Variants in CAST observed in about 807,000 individuals in gnomAD.
The protein encoded by CAST is calpastatin, also known as MIR583 host.
CAST carries 76 observed loss-of-function variants against 119.6 expected under a neutral mutation model. The observed-to-expected ratio is 0.64, with a 90% CI of 0.53 to 0.77. The LOEUF is 0.77. CAST is among the 30% of genes least tolerant of loss of function. The pLI is 0.00. For missense variants in CAST, 953 were observed against 946.5 expected (o/e 1.01, Z -0.09); for synonymous variants, 319 against 331.6 (o/e 0.96, Z 0.41).
the CAST span, among the ~76,000 whole-genome samples, chr5:96,248,825 A>G: frequency 6.6e-6 from 1 of 152,236 alleles, no homozygotes; most frequent in African/African-American, 2.4e-5. Flanking sequence ...TGTTTATGAA[A>G]TATTGAGTCA....
intron 1 of CAST, among the ~76,000 whole-genome samples, chr5:96,547,008 A>C (rs1469469968): frequency 6.6e-6 from 1 of 152,216 alleles, no homozygotes; most frequent in Non-Finnish European, 1.5e-5. Context: ...GGTAAAAGCA[A>C]ACTGCTTTGG....
intron 1 of CAST, among the ~76,000 whole-genome samples, chr5:96,556,878 G>C (rs928868001): frequency 3.3e-5 from 5 of 152,204 alleles, no homozygotes; most frequent in East Asian, 1.9e-4. Context: ...GATACTCCTC[G>C]AGAAGAGCAA....
chr5:96,053,843 C>G, the CAST span, among the ~76,000 whole-genome samples: 1 of 152,232 alleles, frequency 6.6e-6, no homozygotes, highest in Non-Finnish European at 1.5e-5. Flanking sequence ...TTTTTGACCA[C>G]ATACATATGA....
intron 24 of CAST, chr5:96,761,971 C>T (rs1477586365): frequency 4.9e-6 from 1 of 202,370 alleles, no homozygotes; most frequent in African/African-American, 2.3e-5. Context: ...GAGCTGAAAA[C>T]TTTGAATAAC....
At chr5:96,178,392 C>T in the CAST span, among the ~76,000 whole-genome samples, 2 of 152,034 alleles carry the variant, frequency 1.3e-5, no homozygotes, top group Non-Finnish European at 2.9e-5. Flanking sequence ...ATTCTTAGGT[C>T]TACACATGTT....
chr5:96,427,643 C>T, the CAST span, among the ~76,000 whole-genome samples: 2 of 152,110 alleles, frequency 1.3e-5, no homozygotes, highest in East Asian at 3.9e-4. Context: ...GTAGAATGGG[C>T]CATCTTCATT....
chr5:96,205,981 A>AT, the CAST span, among the ~76,000 whole-genome samples: 1 of 150,720 alleles, frequency 6.6e-6, no homozygotes, highest in South Asian at 2.1e-4. Flanking sequence ...ATCATCTGCT[A>AT]TTTTTTTTTA....
chr5:96,190,984 G>C, the CAST span, among the ~76,000 whole-genome samples: 1 of 152,134 alleles, frequency 6.6e-6, no homozygotes. Context: ...TGGGGTATTT[G>C]GTTTTCTGTT....
the CAST span, chr5:96,110,970 G>A: frequency 6.6e-6 from 1 of 152,174 alleles, no homozygotes; most frequent in South Asian, 2.1e-4. Flanking sequence ...GAGACCAACT[G>A]GGGATCAACA....
At chr5:96,223,971 T>C in the CAST span, among the ~76,000 whole-genome samples, 1 of 152,184 alleles carries the variant, frequency 6.6e-6, no homozygotes, top group Non-Finnish European at 1.5e-5. Flanking sequence ...AGCTAAGCAA[T>C]TGGTCTCGGC....
the CAST span, among the ~76,000 whole-genome samples, chr5:96,243,938 A>G: frequency 6.6e-6 from 1 of 152,332 alleles, no homozygotes; most frequent in South Asian, 2.1e-4. Flanking sequence ...AAACTATTGT[A>G]TGGATTAAGT....
the CAST span, among the ~76,000 whole-genome samples, chr5:95,980,135 A>T: frequency 1.3e-5 from 2 of 152,110 alleles, no homozygotes; most frequent in Admixed American, 6.5e-5. Flanking sequence ...ACAAACAAAC[A>T]AACAAACAGC....
At chr5:96,332,431 T>C in the CAST span, among the ~76,000 whole-genome samples, 1 of 152,112 alleles carries the variant, frequency 6.6e-6, no homozygotes, top group Non-Finnish European at 1.5e-5. Flanking sequence ...TTTTTTACTT[T>C]AGTAAATTTT....
the CAST span, among the ~76,000 whole-genome samples, chr5:96,043,170 A>C: frequency 6.6e-6 from 1 of 152,234 alleles, no homozygotes; most frequent in Non-Finnish European, 1.5e-5. Flanking sequence ...AAAATGTATC[A>C]TGATATCCTT....
the CAST span, among the ~76,000 whole-genome samples, chr5:96,374,008 G>A: frequency 6.6e-6 from 1 of 152,148 alleles, no homozygotes; most frequent in East Asian, 1.9e-4. Context: ...TCTGATTGCG[G>A]GCAGCAGTAT....
At chr5:96,430,318 A>G in the CAST span, among the ~76,000 whole-genome samples, 1 of 152,218 alleles carries the variant, frequency 6.6e-6, no homozygotes, top group Non-Finnish European at 1.5e-5. Flanking sequence ...CATTTTTAAA[A>G]TTAAGAAACA....
At chr5:96,016,197 A>G in the CAST span, among the ~76,000 whole-genome samples, 1 of 152,212 alleles carries the variant, frequency 6.6e-6, no homozygotes, top group African/African-American at 2.4e-5. Flanking sequence ...CAGCCTCACA[A>G]TCATGTACGC....
the CAST span, among the ~76,000 whole-genome samples, chr5:96,119,573 G>T: frequency 1.3e-5 from 2 of 152,118 alleles, no homozygotes; most frequent in African/African-American, 2.4e-5. Context: ...GTTACTAAAA[G>T]AATGAGTGAC....
chr5:96,360,939 C>T, the CAST span, among the ~76,000 whole-genome samples: 1 of 152,194 alleles, frequency 6.6e-6, no homozygotes, highest in African/African-American at 2.4e-5. Flanking sequence ...CACAGCTGCC[C>T]CTTCCCCCAG....
Sources: gnomAD v4.1 joint callset for allele counts (sites outside exome capture counted in the v4.1 genomes callset) on GRCh38, gnomAD v4.1.1 for gene constraint, MANE v1.5 for transcripts, NCBI Gene and HGNC (gene_info 2026-07-23, HGNC 2026-07-21) for gene names.